MTMR3: variants seen among roughly 807,000 people sequenced by gnomAD.
MTMR3 encodes the protein myotubularin related protein 3, also known as phosphatidylinositol-3,5-bisphosphate 3-phosphatase MTMR3.
A neutral mutation model predicts 132.4 loss-of-function variants in MTMR3; 32 were observed. The observed-to-expected ratio is 0.24, with a 90% CI of 0.18 to 0.32. The LOEUF (loss-of-function observed/expected upper bound fraction) is 0.32. Ranked by LOEUF, MTMR3 falls within the 10% of genes least tolerant of loss-of-function variation. The pLI is 1.00. For synonymous variants in MTMR3, 556 were observed against 550.3 expected (o/e 1.01, Z -0.14); for missense variants, 1,216 against 1,489.6 (o/e 0.82, Z 3.02).
intron 1 of MTMR3, among the ~76,000 whole-genome samples, chr22:29,944,305 C>T (rs1240241244): frequency 2.0e-5 from 3 of 151,760 alleles, no homozygotes; most frequent in East Asian, 2.0e-4. Context: ...TACTTATCTC[C>T]ACTGCTTTTA....
At position 30,013,506 on chromosome 22, in the gene MTMR3, T is replaced by C. The variant is rs1360300706; in HGVS notation, c.1468T>C (p.Phe490Leu). The part of the protein sequence containing the change: ...LDCVHQLQRQ[F>L]PCSFEFNEAF... ...CTGTGTTCATCAGCTTCAGAGGCAA[T>C]TTCCTTGCTCTTTTGAGTTCAATGA... The change falls in exon 14 of 20, where the codon TTT (phenylalanine) becomes CTT (leucine). Residue 490 changes from phenylalanine to leucine, a missense_variant. Phe to Leu is a conservative substitution (Grantham distance 22). Around this residue, in one of 7 missense-constraint regions of MTMR3, gnomAD observed 106 missense variants for 209.5 expected, o/e 0.51. Transcript: ENST00000401950. 1 of 1,613,976 alleles carries C rather than the reference T, an allele frequency of 6.2e-7. No individual in the cohort carries two copies. The highest frequency in any genetic ancestry group is 2.2e-5 in the East Asian group (1 of 44,888).
At chr22:29,935,232 A>G (rs918340639) in intron 1 of MTMR3, among the ~76,000 whole-genome samples, 2 of 152,224 alleles carry the variant, frequency 1.3e-5, no homozygotes, top group Admixed American at 6.5e-5. Context: ...GCTAATATGT[A>G]TGTGATTACT....
chr22:29,907,376 G>A (rs1255942456), intron 1 of MTMR3, among the ~76,000 whole-genome samples: 1 of 150,100 alleles, frequency 6.7e-6, no homozygotes, highest in African/African-American at 2.5e-5. Flanking sequence ...CACTCCAGCT[G>A]GGTGACAGAG....
At chr22:29,885,486 A>G (rs1461600473) in intron 1 of MTMR3, among the ~76,000 whole-genome samples, 1 of 152,242 alleles carries the variant, frequency 6.6e-6, no homozygotes, top group Non-Finnish European at 1.5e-5. Flanking sequence ...ACTTGATAAA[A>G]TTAGATGCTG....
intron 1 of MTMR3, among the ~76,000 whole-genome samples, chr22:29,947,605 T>A (rs1162566570): frequency 6.6e-6 from 1 of 152,302 alleles, no homozygotes; most frequent in African/African-American, 2.4e-5. Flanking sequence ...TGAATTTTTC[T>A]GAGTCATTGA....
At chr22:30,019,396 C>A in intron 16 of MTMR3, 84 bp from the exon 17 acceptor site, 1 of 1,318,532 alleles carries the variant, frequency 7.6e-7, no homozygotes, top group Non-Finnish European at 1.0e-6. Context: ...AGTTATGAAA[C>A]AACTGCTTGT....
chr22:29,932,609 G>A (rs1301726869), intron 1 of MTMR3, among the ~76,000 whole-genome samples: 1 of 152,020 alleles, frequency 6.6e-6, no homozygotes, highest in Non-Finnish European at 1.5e-5. Context: ...TGGGACTAGA[G>A]TACAACATTT....
intron 1 of MTMR3, among the ~76,000 whole-genome samples, chr22:29,931,019 A>C (rs948786203): frequency 6.6e-6 from 1 of 151,966 alleles, no homozygotes; most frequent in Non-Finnish European, 1.5e-5. Flanking sequence ...AAAAGAAAAA[A>C]AAAAAAAAAA....
chr22:30,002,562 T>A, intron 8 of MTMR3: 1 of 208,176 alleles, frequency 4.8e-6, no homozygotes, highest in Non-Finnish European at 9.7e-6. Context: ...GACCCTCGAC[T>A]CCCCTTTTTT....
intron 1 of MTMR3, among the ~76,000 whole-genome samples, chr22:29,939,161 A>G (rs970797679): frequency 6.6e-6 from 1 of 152,144 alleles, no homozygotes; most frequent in Admixed American, 6.5e-5. Flanking sequence ...ATAATTGTAT[A>G]TTTTGTGATT....
intron 1 of MTMR3, among the ~76,000 whole-genome samples, chr22:29,883,898 G>C (rs1476352616): frequency 6.6e-6 from 1 of 152,208 alleles, no homozygotes; most frequent in African/African-American, 2.4e-5. Context: ...TGACCTGGTA[G>C]TACTTAGGTG....
intron 1 of MTMR3, among the ~76,000 whole-genome samples, chr22:29,912,077 A>G (rs960321421): frequency 6.6e-6 from 1 of 152,030 alleles, no homozygotes; most frequent in Non-Finnish European, 1.5e-5. Context: ...TGAGGTATGT[A>G]TAGTAAGCAT....
In MTMR3 at chr22:29,991,617, G is replaced by A. The variant is rs1175750028; in HGVS notation, c.407G>A (p.Cys136Tyr). The change falls in exon 7 of 20, where the codon TGC (cysteine) becomes TAC (tyrosine). Residue 136 changes from cysteine to tyrosine, a missense_variant. Coordinates refer to ENST00000401950, the MANE Select transcript of MTMR3 (RefSeq NM_021090.4). ...DLFSFAYHAW[C>Y]MEVYASEKEQ... Reference sequence around the variant, plus strand: ...TTCTCATTTGCATACCATGCTTGGTGCATGGAGGTCTATGCCAGTGAAAAA... The same window carrying A: ...TTCTCATTTGCATACCATGCTTGGTACATGGAGGTCTATGCCAGTGAAAAA... 2 of 1,613,910 alleles carry A rather than the reference G, an allele frequency of 1.2e-6. No individual in the cohort carries two copies. The highest frequency in any genetic ancestry group is 2.2e-5 in the South Asian group (2 of 91,024).
At chr22:29,916,276 A>G (rs534859605) in intron 1 of MTMR3, among the ~76,000 whole-genome samples, 49 of 152,336 alleles carry the variant, frequency 3.2e-4, no homozygotes, top group African/African-American at 1.1e-3. Context: ...AGTTGTGTTT[A>G]TAGTTCCCAA....
At chr22:30,008,891 A>C in intron 11 of MTMR3, 127 bp from the exon 12 acceptor site, 1 of 644,542 alleles carries the variant, frequency 1.6e-6, no homozygotes, top group East Asian at 2.6e-5. Context: ...TAAGCATTTC[A>C]AAACATTTCA....
rs1412750170 is a variant in MTMR3 at position 30,013,413 on chromosome 22, C to A, written c.1375C>A (p.Arg459=). 1.2e-6 allele frequency: 2 copies of A among 1,613,916 alleles called. No homozygotes were observed. The highest frequency in any genetic ancestry group is 1.1e-5 in the South Asian group (1 of 91,068). The change falls in exon 14 of 20, where the codon CGG becomes AGG. Residue 459 remains arginine (R), a synonymous_variant. Coordinates refer to ENST00000401950, the MANE Select transcript of MTMR3 (RefSeq NM_021090.4). ...GGATTTTGGCCATAAATTTGCTGACCGGTGTGGTCATGGGGAGAACTCGGA... is the reference window on the plus strand; with the variant it reads ...GGATTTTGGCCATAAATTTGCTGACAGGTGTGGTCATGGGGAGAACTCGGA... The part of the protein sequence containing the change: ...WLDFGHKFAD[R]CGHGENSDDL...
intron 1 of MTMR3, among the ~76,000 whole-genome samples, chr22:29,907,183 G>A (rs1602445936): frequency 6.6e-6 from 1 of 151,876 alleles, no homozygotes; most frequent in Admixed American, 6.6e-5. Context: ...GGTGGATCAC[G>A]AGGTCAGGAG....
At chr22:29,928,805 A>T (rs2065579943) in intron 1 of MTMR3, among the ~76,000 whole-genome samples, 1 of 151,744 alleles carries the variant, frequency 6.6e-6, no homozygotes, top group Non-Finnish European at 1.5e-5. Context: ...GTGAGCCACC[A>T]CTCCTGGCTC....
At chr22:29,974,875 TG>T (rs1249169423) in intron 3 of MTMR3, among the ~76,000 whole-genome samples, 1 of 152,252 alleles carries the variant, frequency 6.6e-6, no homozygotes, top group Non-Finnish European at 1.5e-5. Context: ...GTAAGATTTT[TG>T]CTCCCCTCCA....
Sources: allele counts gnomAD v4.1 joint callset (sites outside exome capture counted in the v4.1 genomes callset), GRCh38; gene constraint gnomAD v4.1.1; regional missense constraint gnomAD v4.1.1; transcripts MANE v1.5; gene names NCBI Gene and HGNC (gene_info 2026-07-23, HGNC 2026-07-21).